The following ARID4A variants were observed in gnomAD, a reference collection of about 807,000 sequenced individuals.
ARID4A encodes AT-rich interaction domain 4A.
ARID4A carries 39 observed loss-of-function variants against 148.6 expected under a neutral mutation model. That is an observed-to-expected ratio of 0.26 (90% CI 0.20 to 0.34). The LOEUF (loss-of-function observed/expected upper bound fraction) is 0.34, where lower values mean the gene tolerates loss of function less well. ARID4A is among the 10% of genes least tolerant of loss of function. ARID4A has a pLI of 1.00. For synonymous variants in ARID4A, 475 were observed against 481.2 expected, an observed-to-expected ratio of 0.99 and a Z score of 0.17; for missense variants, 1,265 against 1,449.1, an observed-to-expected ratio of 0.87 and a Z score of 2.06.
intron 19 of ARID4A, among the ~76,000 whole-genome samples, chr14:58,363,919 A>G (rs1358629345): frequency 6.6e-6 from 1 of 152,144 alleles, no homozygotes; most frequent in African/African-American, 2.4e-5. Context: ...GAATGTTGCA[A>G]AATAGCTTTT....
Position 58,364,519 on chromosome 14 carries a change from A to C in ARID4A, c.2430A>C (p.Ser810=), listed in dbSNP as rs1314654509. The change falls in exon 20 of 24, where the codon TCA becomes TCC. Residue 810 remains serine, a synonymous_variant. Transcript: ENST00000355431. ...KDLSLEIIKI[S]SFGQNEAGSE... ...TTTCTTTAGAAATTATAAAGATTTC[A>C]TCATTTGGCCAGAATGAAGCAGGAA... The C allele has an allele frequency of 6.2e-7, 1 of 1,612,210 alleles. No individual in the cohort carries two copies. The highest frequency in any genetic ancestry group is 1.7e-5 in the Admixed American group (1 of 59,694).
At chr14:58,299,686 T>G (rs1213006593) in intron 1 of ARID4A, 112 bp from the exon 2 acceptor site, 1 of 884,458 alleles carries the variant, frequency 1.1e-6, no homozygotes, top group African/African-American at 1.6e-5. Flanking sequence ...TCTTGTCCCT[T>G]GGCTGGTGAG....
chr14:58,334,433 C>T (rs1481854638), intron 11 of ARID4A, among the ~76,000 whole-genome samples: 1 of 152,136 alleles, frequency 6.6e-6, no homozygotes, highest in Non-Finnish European at 1.5e-5. Context: ...TATATCATCT[C>T]TTATGTGAGC....
At chr14:58,361,152 T>A in intron 19 of ARID4A, 110 bp downstream of exon 19, 5 of 1,429,978 alleles carry the variant, frequency 3.5e-6, no homozygotes, top group Non-Finnish European at 4.6e-6. Flanking sequence ...ATAACATAAA[T>A]AATAAAACTT....
Position 58,318,722 on chromosome 14 carries a change from G to A in ARID4A, c.366G>A (p.Gln122=). Residue 122 remains glutamine (Q), a synonymous_variant, in exon 7 of 24, where the codon CAG becomes CAA. Transcript: ENST00000355431. The stretch of plus-strand genomic sequence containing the variant: ...TATTTCTTATACAGACACTTGACCA[G>A]CTTCCATTAACAAATCCAGAGCATT... The part of the protein sequence containing the change: ...RHFAESETLD[Q]LPLTNPEHFG... The A allele has an allele frequency of 1.9e-6, 3 of 1,613,988 alleles. No homozygotes were observed. The highest frequency in any genetic ancestry group is 2.2e-5 in the South Asian group (2 of 91,060).
chr14:58,307,293 A>G (rs1275379563), intron 5 of ARID4A, among the ~76,000 whole-genome samples: 1 of 152,240 alleles, frequency 6.6e-6, no homozygotes, highest in Non-Finnish European at 1.5e-5. Context: ...AAAATCATTC[A>G]CATCCAGTTG....
In ARID4A at chr14:58,360,916, G is replaced by A; in HGVS notation, c.1954G>A (p.Glu652Lys). 1 of 1,614,014 alleles carries A rather than the reference G, an allele frequency of 6.2e-7. No homozygotes were observed. The highest frequency in any genetic ancestry group is 8.5e-7 in the Non-Finnish European group (1 of 1,179,964). ...KKKAKNKEDS[E>K]KDEKRDEERQ... ...TGTTGCCCAGAATAAAGAAGATAGTGAAAAGGACGAAAAGAGAGATGAGGA... is the reference window on the plus strand; with the variant it reads ...TGTTGCCCAGAATAAAGAAGATAGTAAAAAGGACGAAAAGAGAGATGAGGA... Residue 652 changes from glutamate to lysine, a missense_variant, in exon 19 of 24, where the codon GAA (glutamate) becomes AAA (lysine). This residue lies in a region of ARID4A where 666 missense variants were observed against 730.9 expected (regional missense o/e 0.91). Coordinates refer to ENST00000355431, the MANE Select transcript of ARID4A (RefSeq NM_002892.4).
At chr14:58,351,424 G>C in intron 16 of ARID4A, 101 bp downstream of exon 16, 1 of 1,440,462 alleles carries the variant, frequency 6.9e-7, no homozygotes, top group Non-Finnish European at 9.3e-7. Context: ...TTTTCTTATT[G>C]GGACTTCCGT....
Position 58,347,709 on chromosome 14 carries a change from A to G in ARID4A, c.1235A>G (p.His412Arg), listed in dbSNP as rs34982206. Reference protein sequence around the residue: ...SANIQFRTVHHHEPKVKEEKK... With the variant: ...SANIQFRTVHRHEPKVKEEKK... Reference sequence around the variant, plus strand: ...AATATTCAGTTCAGAACTGTTCATCACCATGAACCAAAAGTAAAAGAGGAA... The same window carrying G: ...AATATTCAGTTCAGAACTGTTCATCGCCATGAACCAAAAGTAAAAGAGGAA... Residue 412 changes from histidine to arginine, a missense_variant, in exon 15 of 24, where the codon CAC becomes CGC. By Grantham distance (29) the His-to-Arg change is conservative. Around this residue, in one of 9 missense-constraint regions of ARID4A, gnomAD observed 205 missense variants for 196.9 expected, o/e 1.04. Transcript: ENST00000355431. The G allele has an allele frequency of 4.3e-6, 7 of 1,613,932 alleles. No individual in the cohort carries two copies. In the East Asian group the frequency reaches 1.6e-4, roughly 36 times the overall value.
intron 1 of ARID4A, 152 bp from the exon 2 acceptor site, chr14:58,299,646 C>G: frequency 1.6e-6 from 1 of 637,736 alleles, no homozygotes; most frequent in Non-Finnish European, 2.7e-6. Context: ...GCCCCCTCAG[C>G]TCCTGCGTCC....
chr14:58,354,385 G>T (rs963148545), intron 17 of ARID4A, among the ~76,000 whole-genome samples: 1 of 152,088 alleles, frequency 6.6e-6, no homozygotes, highest in Non-Finnish European at 1.5e-5. Context: ...GATGATTTTG[G>T]GGAGGGTTTA....
intron 10 of ARID4A, 129 bp from the exon 11 acceptor site, chr14:58,329,874 G>A (rs981190270): frequency 5.7e-6 from 8 of 1,407,898 alleles, no homozygotes; most frequent in Non-Finnish European, 7.7e-6. Context: ...ATATGTTAAA[G>A]CTTACTGTAT....
intron 1 of ARID4A, chr14:58,299,513 C>G (rs1213726445): frequency 3.2e-6 from 1 of 314,786 alleles, no homozygotes; most frequent in South Asian, 5.1e-5. Context: ...CCGGAGCTAT[C>G]TGTCCTGGAG....
rs577790576 is a variant in ARID4A, at chr14:58,316,052, A to G, written c.275-2490A>G. Reference sequence around the variant, plus strand: ...AAAGCTTTTATATAATTTTCTTTCAAAAAACTTATTCATTAAAGGTAAGCG... The same window carrying G: ...AAAGCTTTTATATAATTTTCTTTCAGAAAACTTATTCATTAAAGGTAAGCG... On this transcript the variant is annotated intron_variant, in intron 5 of 23. Coordinates refer to ENST00000355431, the MANE Select transcript of ARID4A (RefSeq NM_002892.4). 2.0e-4 allele frequency among the ~76,000 whole-genome samples: 31 copies of G among 152,372 alleles called. No individual in the cohort carries two copies. The South Asian group carries it at 6.2e-3, about 31-fold the overall frequency.
chr14:58,319,679 G>T (rs2032725993), intron 7 of ARID4A, among the ~76,000 whole-genome samples: 1 of 149,302 alleles, frequency 6.7e-6, no homozygotes, highest in Admixed American at 6.7e-5. Flanking sequence ...TGAGTAGTTG[G>T]GATTACAGAC....
chr14:58,304,833 C>T, intron 3 of ARID4A, 111 bp from the exon 4 acceptor site: 1 of 878,848 alleles, frequency 1.1e-6, no homozygotes, highest in Non-Finnish European at 1.8e-6. Flanking sequence ...TAGCAGGGGT[C>T]ACCACATGGT....
intron 14 of ARID4A, among the ~76,000 whole-genome samples, chr14:58,347,424 A>C (rs2034426623): frequency 1.3e-5 from 2 of 152,186 alleles, no homozygotes; most frequent in African/African-American, 4.8e-5. Context: ...TATGATAGTT[A>C]TGTTTAGCTA....
At chr14:58,351,027 C>A in intron 15 of ARID4A, 46 bp from the exon 16 acceptor site, 1 of 1,510,130 alleles carries the variant, frequency 6.6e-7, no homozygotes. Context: ...TGCTTTTTTC[C>A]CCTTTATAGT....
chr14:58,309,113 CTTGT>C (rs1016048706), intron 5 of ARID4A, among the ~76,000 whole-genome samples: 3 of 152,078 alleles, frequency 2.0e-5, no homozygotes, highest in African/African-American at 4.8e-5. Context: ...TGGTTTATTT[CTTGT>C]TTGTTTGTTC....
Sources: gnomAD v4.1 joint callset for allele counts (sites outside exome capture counted in the v4.1 genomes callset) on GRCh38, gnomAD v4.1.1 for gene constraint, gnomAD v4.1.1 regional missense constraint, MANE v1.5 for transcripts, NCBI Gene and HGNC (gene_info 2026-07-23, HGNC 2026-07-21) for gene names.